Variants in SUZ12 observed in about 807,000 individuals in gnomAD.
SUZ12 encodes the protein SUZ12 polycomb repressive complex 2 subunit.
A neutral mutation model predicts 87.3 loss-of-function variants in SUZ12; 17 were observed. The observed-to-expected ratio is 0.19, with a 90% confidence interval of 0.13 to 0.29. The LOEUF is 0.29. Among genes scored for constraint, SUZ12 ranks in the 10% least tolerant of loss-of-function variants. The probability of loss-of-function intolerance (pLI) is 1.00; values close to 1 mark genes in which losing one functional copy is unlikely to be tolerated. For synonymous variants in SUZ12, 253 were observed against 312.4 expected, an observed-to-expected ratio of 0.81 and a Z score of 2.01; for missense variants, 526 against 912.2, an observed-to-expected ratio of 0.58 and a Z score of 5.45.
intron 15 of SUZ12, among the ~76,000 whole-genome samples, chr17:31,997,259 T>C (rs1288208958): frequency 6.6e-6 from 1 of 152,060 alleles, no homozygotes; most frequent in African/African-American, 2.4e-5. Context: ...TAGGAAAGGG[T>C]GTCATCATCA....
intron 4 of SUZ12, among the ~76,000 whole-genome samples, chr17:31,951,729 G>T (rs1906995360): frequency 6.7e-6 from 1 of 150,272 alleles, no homozygotes; most frequent in Non-Finnish European, 1.5e-5. Context: ...ACCCGCCTTG[G>T]CCTCCCAAAG....
intron 6 of SUZ12, among the ~76,000 whole-genome samples, chr17:31,973,853 A>G (rs1463753961): frequency 2.6e-5 from 4 of 152,208 alleles, no homozygotes; most frequent in African/African-American, 9.7e-5. Context: ...TTCCAAGACC[A>G]TAGGCCATAA....
intron 3 of SUZ12, among the ~76,000 whole-genome samples, chr17:31,940,782 T>C (rs1015536978): frequency 3.3e-5 from 5 of 151,750 alleles, no homozygotes; most frequent in Admixed American, 6.6e-5. Flanking sequence ...GGAGGCCAAG[T>C]TGGGCGGATC....
chr17:31,994,578 T>C lies in SUZ12; in HGVS notation c.1452T>C (p.Gly484=). ...FIFNYVYHPK[G]ARIDVSINEC... Reference sequence around the variant, plus strand: ...TTTTGTTGCAGTATCATCCAAAAGGTGCTAGGATAGATGTTTCTATCAATG... The same window carrying C: ...TTTTGTTGCAGTATCATCCAAAAGGCGCTAGGATAGATGTTTCTATCAATG... The change falls in exon 13 of 16, where the codon GGT becomes GGC. Residue 484 remains glycine (G), a synonymous_variant. Transcript: ENST00000322652. The C allele has an allele frequency of 6.2e-7, 1 of 1,612,098 alleles. No individual in the cohort carries two copies.
chr17:31,983,881 A>G (rs1475723076), intron 9 of SUZ12, among the ~76,000 whole-genome samples: 1 of 152,236 alleles, frequency 6.6e-6, no homozygotes, highest in Admixed American at 6.5e-5. Flanking sequence ...TACTTAAGAT[A>G]ACTCTTTTAA....
chr17:31,945,289 A>T (rs1307772256), intron 3 of SUZ12, among the ~76,000 whole-genome samples: 3 of 152,052 alleles, frequency 2.0e-5, no homozygotes, highest in African/African-American at 7.2e-5. Flanking sequence ...CATAATATCC[A>T]TTGTTGGAAT....
At chr17:31,962,572 C>G (rs1262547221) in intron 4 of SUZ12, among the ~76,000 whole-genome samples, 2 of 152,208 alleles carry the variant, frequency 1.3e-5, no homozygotes, top group South Asian at 4.1e-4. Context: ...GTCTGGGTGA[C>G]ACAACGAGAC....
chr17:31,992,794 G>A (rs113630418), intron 10 of SUZ12, among the ~76,000 whole-genome samples: 15,046 of 150,614 alleles, frequency 0.1, 1,021 homozygotes, highest in Middle Eastern at 0.16. Context: ...TGCAACCTCC[G>A]CCTCCCGGGT....
rs1296967923 is a variant in SUZ12, at chr17:31,963,494, TTTTTG to T, written c.456-2638_456-2634del. 4.1e-5 allele frequency among the ~76,000 whole-genome samples: 6 copies of T among 146,066 alleles called. No individual in the cohort carries two copies. In the East Asian group the frequency reaches 8.0e-4, roughly 20 times the overall value. ...TTGTGGTGGTGGTTCTTAGGTATTT[TTTTTG>T]TTTTGTTTTGTTTTTTGAGACAGAG... On this transcript the variant is annotated intron_variant, in intron 4 of 15. Coordinates refer to ENST00000322652, the MANE Select transcript of SUZ12 (RefSeq NM_015355.4).
intron 3 of SUZ12, among the ~76,000 whole-genome samples, chr17:31,942,434 C>G (rs1447504109): frequency 1.3e-5 from 2 of 151,914 alleles, no homozygotes; most frequent in Middle Eastern, 3.4e-3. Flanking sequence ...CTCGCGGGTT[C>G]AAGGGATTAT....
At chr17:31,989,491 A>G (rs895003897) in intron 10 of SUZ12, among the ~76,000 whole-genome samples, 1 of 152,244 alleles carries the variant, frequency 6.6e-6, no homozygotes, top group African/African-American at 2.4e-5. Flanking sequence ...CCACTAAACA[A>G]ATTTGCCAGA....
Position 31,988,447 on chromosome 17 carries a change from G to A in SUZ12, c.1151G>A (p.Ser384Asn), listed in dbSNP as rs1238004928. The A allele has an allele frequency of 6.2e-7, 1 of 1,612,808 alleles. No homozygotes were observed. The highest frequency in any genetic ancestry group is 8.5e-7 in the Non-Finnish European group (1 of 1,179,660). Residue 384 changes from serine to asparagine, a missense_variant, in exon 10 of 16, where the codon AGT (serine) becomes AAT (asparagine). Ser to Asn is a conservative substitution (Grantham distance 46). Transcript: ENST00000322652. ...CCTCTTGCCACTAGAAATTCAGAGA[G>A]TCTCCATCAGGAAAACAAGCCTGGT... ...AKPLATRNSESLHQENKPGSV... is the reference protein window; with the variant it reads ...AKPLATRNSENLHQENKPGSV...
chr17:31,937,546 C>G, intron 1 of SUZ12, 26 bp downstream of exon 1: 3 of 1,531,434 alleles, frequency 2.0e-6, no homozygotes, highest in Non-Finnish European at 2.6e-6. Flanking sequence ...GCTTTGAGGG[C>G]AGGAAGACCC....
At chr17:31,956,061 T>A (rs539762365) in intron 4 of SUZ12, among the ~76,000 whole-genome samples, 2 of 152,058 alleles carry the variant, frequency 1.3e-5, no homozygotes, top group East Asian at 3.9e-4. Context: ...TATAGGCGCC[T>A]GCCACCACGC....
At chr17:31,994,983 G>A (rs79270978) in intron 13 of SUZ12, among the ~76,000 whole-genome samples, 5,188 of 152,264 alleles carry the variant, frequency 0.034, 155 homozygotes, top group Middle Eastern at 0.065. Context: ...TGGGATTAAA[G>A]AATTCTGTCA....
At chr17:31,984,206 A>T (rs1909281601) in intron 9 of SUZ12, among the ~76,000 whole-genome samples, 2 of 152,214 alleles carry the variant, frequency 1.3e-5, no homozygotes, top group South Asian at 4.1e-4. Context: ...CAAGCATATC[A>T]TTCAAGCATA....
rs1374375204 is a variant in SUZ12, at chr17:31,937,392, G to T, written c.146G>T (p.Gly49Val). The change falls in exon 1 of 16, where the codon GGT becomes GTT. Residue 49 changes from glycine to valine, a missense_variant. Gly to Val is a moderately radical substitution (Grantham distance 109). Around this residue, in one of 9 missense-constraint regions of SUZ12, gnomAD observed 92 missense variants for 109.9 expected, o/e 0.84. Coordinates refer to ENST00000322652, the MANE Select transcript of SUZ12 (RefSeq NM_015355.4). Reference protein sequence around the residue: ...GKSGGGSCGGGGSYSASSSSS... With the variant: ...GKSGGGSCGGVGSYSASSSSS... ...TCCGGCGGCGGGAGCTGTGGAGGGG[G>T]TGGCAGTTACTCGGCCTCCTCCTCC... The T allele has an allele frequency of 2.6e-6, 4 of 1,538,092 alleles. No individual in the cohort carries two copies. The highest frequency in any genetic ancestry group is 5.1e-5 in the East Asian group (2 of 39,286).
At chr17:31,998,041 C>T (rs866630662) in intron 15 of SUZ12, among the ~76,000 whole-genome samples, 1 of 151,964 alleles carries the variant, frequency 6.6e-6, no homozygotes, top group African/African-American at 2.4e-5. Flanking sequence ...AATTCAAGAC[C>T]AACCTGGGCA....
rs1232228254 is a variant in SUZ12 at position 31,998,643 on chromosome 17, G to T, written c.1875-15G>T. On this transcript the variant is annotated splice_polypyrimidine_tract_variant and intron_variant, in intron 15 of 15. Transcript: ENST00000322652. ...TGCTTTGTATTGCTATTCATATTCT[G>T]TTTTTATTAAATAGGTTTATTGCTG... 6.6e-7 allele frequency: 1 copy of T among 1,514,760 alleles called. No individual in the cohort carries two copies. The highest frequency in any genetic ancestry group is 8.8e-7 in the Non-Finnish European group (1 of 1,133,568). 93.8% of individuals were successfully genotyped at this position (1,514,760 alleles called of 1,614,324 possible).
Sources: gnomAD v4.1 joint callset for allele counts (sites outside exome capture counted in the v4.1 genomes callset) on GRCh38, gnomAD v4.1.1 for gene constraint, gnomAD v4.1.1 regional missense constraint, MANE v1.5 for transcripts, NCBI Gene and HGNC (gene_info 2026-07-23, HGNC 2026-07-21) for gene names.